Variants in SGCZ observed in about 807,000 individuals in gnomAD.
The protein encoded by SGCZ is zeta-sarcoglycan.
Under a neutral mutation model 41.3 loss-of-function variants are expected in SGCZ, and 40 were observed. The ratio of observed to expected loss-of-function variants is 0.97; its 90% CI spans 0.75 to 1.26. SGCZ has a LOEUF of 1.26. Ranked by LOEUF, SGCZ falls within the 50% of genes most tolerant of loss-of-function variation. The pLI is 0.00. For missense variants in SGCZ, 552 were observed against 369.8 expected, an observed-to-expected ratio of 1.49 and a Z score of -4.04; for synonymous variants, 206 against 137.5, an observed-to-expected ratio of 1.50 and a Z score of -3.49.
At chr8:14,553,494 C>T (rs565317884) in intron 2 of SGCZ, among the ~76,000 whole-genome samples, 9 of 152,008 alleles carry the variant, frequency 5.9e-5, no homozygotes, top group African/African-American at 1.9e-4. Context: ...GAATACTTTA[C>T]AAAATTATAA....
At chr8:14,165,707 G>A (rs1804188036) in intron 4 of SGCZ, among the ~76,000 whole-genome samples, 1 of 152,060 alleles carries the variant, frequency 6.6e-6, no homozygotes, top group Admixed American at 6.6e-5. Flanking sequence ...TCACACATGT[G>A]GGGCATAGTT....
rs527627107 is a variant in SGCZ, at chr8:14,678,794, T to C, written c.40-123868A>G. On this transcript the variant is annotated intron_variant, in intron 1 of 7. Coordinates refer to ENST00000382080, the MANE Select transcript of SGCZ (RefSeq NM_139167.4). Reference sequence around the variant, plus strand: ...TGGAAGCAACCAAGATGTTCTTCAGTAGGTGAACAGATAAATACACTGGTA... The same window carrying C: ...TGGAAGCAACCAAGATGTTCTTCAGCAGGTGAACAGATAAATACACTGGTA... 3.9e-5 allele frequency among the ~76,000 whole-genome samples: 6 copies of C among 152,342 alleles called. No individual in the cohort carries two copies. The South Asian group carries it at 6.2e-4, about 16-fold the overall frequency.
chr8:14,704,209 A>G (rs1809257351), intron 1 of SGCZ, among the ~76,000 whole-genome samples: 1 of 152,030 alleles, frequency 6.6e-6, no homozygotes, highest in African/African-American at 2.4e-5. Context: ...AAAAAGTGTT[A>G]GTAAGCTAAT....
At chr8:14,854,250 G>C (rs1436529429) in intron 1 of SGCZ, among the ~76,000 whole-genome samples, 1 of 151,402 alleles carries the variant, frequency 6.6e-6, no homozygotes, top group African/African-American at 2.4e-5. Context: ...TTGACACAGA[G>C]TTGGTGTTAA....
chr8:14,601,962 C>A (rs565450081), intron 1 of SGCZ, among the ~76,000 whole-genome samples: 1 of 151,714 alleles, frequency 6.6e-6, no homozygotes, highest in African/African-American at 2.4e-5. Context: ...CTACTGAAAA[C>A]ACAAAAAATT....
intron 1 of SGCZ, among the ~76,000 whole-genome samples, chr8:14,952,768 G>A (rs1469448707): frequency 6.6e-6 from 1 of 152,108 alleles, no homozygotes; most frequent in Admixed American, 6.6e-5. Context: ...AGTATTTATT[G>A]TTACCCGAGG....
chr8:14,422,853 C>G (rs1351934141), intron 2 of SGCZ, among the ~76,000 whole-genome samples: 1 of 152,072 alleles, frequency 6.6e-6, no homozygotes, highest in African/African-American at 2.4e-5. Flanking sequence ...ATAATGAGAC[C>G]TCGTCTTTCT....
chr8:14,303,975 C>A (rs1000037892), intron 3 of SGCZ, among the ~76,000 whole-genome samples: 3 of 151,896 alleles, frequency 2.0e-5, no homozygotes, highest in Non-Finnish European at 4.4e-5. Context: ...TGGCCTCGAA[C>A]TCCTGACCTC....
At chr8:14,364,604 C>T (rs148561443) in intron 2 of SGCZ, among the ~76,000 whole-genome samples, 6 of 152,108 alleles carry the variant, frequency 3.9e-5, no homozygotes, top group African/African-American at 1.4e-4. Flanking sequence ...TTTATCTGAC[C>T]ACTTGAGAGA....
intron 1 of SGCZ, among the ~76,000 whole-genome samples, chr8:15,164,083 C>T (rs1248816301): frequency 6.6e-6 from 1 of 152,208 alleles, no homozygotes; most frequent in Non-Finnish European, 1.5e-5. Flanking sequence ...ATCTTTTCAC[C>T]TAATAAAACC....
chr8:14,218,798 C>G lies in SGCZ; in HGVS notation c.424+18794G>C, dbSNP rs960114260. ...TCAACAACGCATTTGGTCCAGGAAC[C>G]GTTAATGAATGTACAGTGTTGTGGT... is the stretch of plus-strand genomic sequence containing the variant. On this transcript the variant is annotated intron_variant, in intron 4 of 7. Coordinates refer to ENST00000382080, the MANE Select transcript of SGCZ (RefSeq NM_139167.4). Among the ~76,000 whole-genome samples, 5 of 152,278 alleles carry G rather than the reference C, an allele frequency of 3.3e-5. No homozygotes were observed. In the East Asian group the frequency reaches 7.7e-4, roughly 23 times the overall value.
At chr8:15,130,462 C>T (rs1807857074) in intron 1 of SGCZ, among the ~76,000 whole-genome samples, 1 of 152,152 alleles carries the variant, frequency 6.6e-6, no homozygotes, top group African/African-American at 2.4e-5. Context: ...GTAGCAAATA[C>T]ATACAGGAAA....
chr8:14,243,675 C>A (rs567445755), intron 3 of SGCZ, among the ~76,000 whole-genome samples: 1 of 152,228 alleles, frequency 6.6e-6, no homozygotes, highest in South Asian at 2.1e-4. Flanking sequence ...TATTTATTTT[C>A]ACCTTCAGTT....
At chr8:14,573,069 A>G (rs1804602544) in intron 1 of SGCZ, among the ~76,000 whole-genome samples, 2 of 152,240 alleles carry the variant, frequency 1.3e-5, no homozygotes, top group African/African-American at 2.4e-5. Flanking sequence ...TGAGATTTGT[A>G]CTACTGGTGG....
intron 4 of SGCZ, among the ~76,000 whole-genome samples, chr8:14,202,683 G>C (rs761963703): frequency 1.5e-4 from 23 of 151,942 alleles, no homozygotes; most frequent in Non-Finnish European, 2.8e-4. Context: ...AAGATCCCTT[G>C]GTAATTTTTA....
intron 1 of SGCZ, among the ~76,000 whole-genome samples, chr8:14,944,818 C>T (rs1379241296): frequency 6.6e-6 from 1 of 152,126 alleles, no homozygotes; most frequent in Non-Finnish European, 1.5e-5. Flanking sequence ...GTACTGAAGG[C>T]ATATCCCTCT....
rs768074621 is a variant in SGCZ at position 14,466,674 on chromosome 8, T to TAAATTTTTTTCA, written c.234+88057_234+88058insTGAAAAAAATTT. 4.0e-4 allele frequency among the ~76,000 whole-genome samples: 61 copies of TAAATTTTTTTCA among 151,926 alleles called. 1 individual carries two copies. Among genetic ancestry groups the TAAATTTTTTTCA allele is most frequent in the Admixed American group, 7.9e-4 (12 of 15,216 alleles). On this transcript the variant is annotated intron_variant, in intron 2 of 7. Transcript: ENST00000382080. ...TTTTCTTTCTATTCCTCAGACTCAA[T>TAAATTTTTTTCA]AATTTCCACTGTCCTGTCTTCTAGT...
intron 1 of SGCZ, among the ~76,000 whole-genome samples, chr8:15,005,302 G>C (rs938676242): frequency 1.4e-5 from 2 of 138,448 alleles, no homozygotes; most frequent in Admixed American, 7.3e-5. Flanking sequence ...CCCTCCCCAC[G>C]CCCCCTCCCC....
intron 2 of SGCZ, among the ~76,000 whole-genome samples, chr8:14,460,478 G>T (rs930590570): frequency 2.6e-5 from 4 of 152,150 alleles, no homozygotes; most frequent in African/African-American, 9.7e-5. Flanking sequence ...GCAGGGTATG[G>T]AAAGGCAGTG....
Sources: gnomAD v4.1 joint callset for allele counts (sites outside exome capture counted in the v4.1 genomes callset) on GRCh38, gnomAD v4.1.1 for gene constraint, MANE v1.5 for transcripts, NCBI Gene and HGNC (gene_info 2026-07-23, HGNC 2026-07-21) for gene names.